MGAT5: variants seen among roughly 807,000 people sequenced by gnomAD.
MGAT5 encodes the protein alpha-1,6-mannosylglycoprotein 6-beta-N-acetylglucosaminyltransferase.
In MGAT5, 30 loss-of-function variants were observed where a neutral mutation model predicts 94.3. That is an observed-to-expected ratio of 0.32 (90% confidence interval 0.24 to 0.43). The LOEUF is 0.43. Among genes scored for constraint, MGAT5 ranks in the 20% least tolerant of loss-of-function variants. The pLI, the probability that MGAT5 is intolerant of heterozygous loss-of-function variation, is 1.00. For synonymous variants in MGAT5, 310 were observed against 322.9 expected, an observed-to-expected ratio of 0.96 and a Z score of 0.43; for missense variants, 691 against 905.5, an observed-to-expected ratio of 0.76 and a Z score of 3.04.
In MGAT5 at chr2:134,449,190, T is replaced by C. The variant is rs111940474; in HGVS notation, c.*343T>C. 2.9e-3 allele frequency: 795 copies of C among 270,430 alleles called. 9 individuals are homozygous for C. The highest frequency in any genetic ancestry group is 0.017 in the African/African-American group (731 of 43,498). The allele number at this position is 270,430 out of a possible 1,614,324, so 16.8% of individuals were successfully genotyped here. A position where few individuals can be genotyped will look rare whatever the true frequency, so the allele number is the denominator to read the frequency against. On this transcript the variant is annotated 3_prime_UTR_variant, in exon 16 of 16. Transcript: ENST00000281923. ...TAAAACAAAACAGGAGGAATTGAGCTGATGGGAAAGAACTCTGAATGGGAA... is the reference window on the plus strand; with the variant it reads ...TAAAACAAAACAGGAGGAATTGAGCCGATGGGAAAGAACTCTGAATGGGAA...
intron 1 of MGAT5, among the ~76,000 whole-genome samples, chr2:134,189,602 G>GTTTTTTTTTTTTTTTGT (rs1689243896): frequency 2.4e-5 from 2 of 84,672 alleles, no homozygotes; most frequent in Non-Finnish European, 4.6e-5. Context: ...GTTTTTTTTT[G>GTTTTTTTTTTTTTTTGT]TTTTTTTTTT....
intron 10 of MGAT5, among the ~76,000 whole-genome samples, chr2:134,371,013 G>T (rs1341704968): frequency 6.7e-6 from 1 of 149,620 alleles, no homozygotes; most frequent in Non-Finnish European, 1.5e-5. Flanking sequence ...TCACCCTACT[G>T]GTCCATTCCC....
intron 1 of MGAT5, among the ~76,000 whole-genome samples, chr2:134,143,166 G>A (rs768377448): frequency 2.6e-5 from 4 of 152,102 alleles, no homozygotes; most frequent in South Asian, 4.1e-4. Context: ...AAGCTGATTA[G>A]TGTTGCTGGG....
chr2:134,157,828 C>T (rs999664172), intron 1 of MGAT5, among the ~76,000 whole-genome samples: 4 of 151,966 alleles, frequency 2.6e-5, no homozygotes, highest in Non-Finnish European at 4.4e-5. Context: ...CTGCCAGGTA[C>T]GTGGACAACC....
intron 11 of MGAT5, among the ~76,000 whole-genome samples, chr2:134,405,022 G>T (rs886211732): frequency 6.6e-6 from 1 of 152,244 alleles, no homozygotes; most frequent in Non-Finnish European, 1.5e-5. Context: ...GTTTTCAGCA[G>T]TGTGTCATTA....
intron 14 of MGAT5, among the ~76,000 whole-genome samples, chr2:134,436,679 C>T (rs1685178136): frequency 6.6e-6 from 1 of 152,174 alleles, no homozygotes; most frequent in Non-Finnish European, 1.5e-5. Flanking sequence ...CAGATGTCTC[C>T]AATGCAGTAC....
intron 10 of MGAT5, among the ~76,000 whole-genome samples, chr2:134,381,367 ATAAGATAAGATAGAT>A (rs143856603): frequency 0.13 from 13,888 of 109,544 alleles, 816 homozygotes; most frequent in Middle Eastern, 0.29. Context: ...AGATAGATAG[ATAAGATAAGATAGAT>A]TAGATAGATA....
At chr2:134,142,168 C>G (rs978456123) in intron 1 of MGAT5, among the ~76,000 whole-genome samples, 1 of 152,138 alleles carries the variant, frequency 6.6e-6, no homozygotes, top group Non-Finnish European at 1.5e-5. Flanking sequence ...CCCAGGTGTT[C>G]CCATGTGAGT....
chr2:134,197,726 T>TGTATTTAAAGTAAATCAGTA (rs1679567382), intron 1 of MGAT5, among the ~76,000 whole-genome samples: 1 of 152,240 alleles, frequency 6.6e-6, no homozygotes. Flanking sequence ...TTTAGTTTCC[T>TGTATTTAAAGTAAATCAGTA]TTTACTTTAA....
chr2:134,414,143 TTG>T (rs563134008), intron 12 of MGAT5, among the ~76,000 whole-genome samples: 5 of 146,022 alleles, frequency 3.4e-5, no homozygotes, highest in Non-Finnish European at 7.4e-5. Context: ...GTGCACACAC[TTG>T]TGTGTGTGTG....
intron 1 of MGAT5, among the ~76,000 whole-genome samples, chr2:134,207,265 A>G (rs1680060071): frequency 6.6e-6 from 1 of 152,214 alleles, no homozygotes; most frequent in Non-Finnish European, 1.5e-5. Context: ...TCAGCTGATT[A>G]GCTACCTTAA....
At chr2:134,387,972 C>T (rs10469582) in intron 10 of MGAT5, among the ~76,000 whole-genome samples, 88,245 of 151,822 alleles carry the variant, frequency 0.58, 26,008 homozygotes, top group Non-Finnish European at 0.62. Flanking sequence ...ACAGCTCTTC[C>T]AATAATGAGA....
At chr2:134,320,925 G>T (rs1687277701) in intron 4 of MGAT5, among the ~76,000 whole-genome samples, 1 of 152,034 alleles carries the variant, frequency 6.6e-6, no homozygotes, top group African/African-American at 2.4e-5. Flanking sequence ...ATGATTTTTT[G>T]GGGGAAGGGG....
At chr2:134,282,725 T>C (rs570257318) in intron 2 of MGAT5, among the ~76,000 whole-genome samples, 15 of 152,252 alleles carry the variant, frequency 9.9e-5, no homozygotes, top group African/African-American at 3.6e-4. Context: ...GAAAAATGCT[T>C]GAGGAACAGC....
intron 2 of MGAT5, among the ~76,000 whole-genome samples, chr2:134,309,447 C>CT (rs1283277703): frequency 6.6e-6 from 1 of 152,200 alleles, no homozygotes; most frequent in Non-Finnish European, 1.5e-5. Context: ...GAGGGTTCTA[C>CT]TTTCTTTACA....
At chr2:134,140,976 G>A (rs12617740) in intron 1 of MGAT5, among the ~76,000 whole-genome samples, 53,082 of 152,058 alleles carry the variant, frequency 0.35, 10,153 homozygotes, top group East Asian at 0.55. Flanking sequence ...AACAAATGTT[G>A]TGATTTAACT....
At chr2:134,332,739 C>T (rs1573832773) in intron 4 of MGAT5, among the ~76,000 whole-genome samples, 1 of 151,998 alleles carries the variant, frequency 6.6e-6, no homozygotes, top group Non-Finnish European at 1.5e-5. Context: ...AACAAATTTA[C>T]AAGAAAAAAA....
intron 13 of MGAT5, among the ~76,000 whole-genome samples, chr2:134,424,884 C>A (rs1169505086): frequency 6.6e-6 from 1 of 152,194 alleles, no homozygotes; most frequent in African/African-American, 2.4e-5. Flanking sequence ...CTGTATGTAT[C>A]TCTGTCTTTT....
At chr2:134,333,892 T>A (rs1165209208) in intron 4 of MGAT5, among the ~76,000 whole-genome samples, 2 of 152,174 alleles carry the variant, frequency 1.3e-5, no homozygotes, top group African/African-American at 2.4e-5. Context: ...AAAGAAATGC[T>A]TTGTTTTGTT....
Sources: gnomAD v4.1 joint callset for allele counts (sites outside exome capture counted in the v4.1 genomes callset) on GRCh38, gnomAD v4.1.1 for gene constraint, MANE v1.5 for transcripts, NCBI Gene and HGNC (gene_info 2026-07-23, HGNC 2026-07-21) for gene names.